Variants in HCN1 observed in about 807,000 individuals in gnomAD.
HCN1 encodes hyperpolarization activated cyclic nucleotide gated potassium channel 1, also known as potassium/sodium hyperpolarization-activated cyclic nucleotide-gated channel 1.
In HCN1, 13 loss-of-function variants were observed where a neutral mutation model predicts 78.9. That is an observed-to-expected ratio of 0.16 (90% CI 0.11 to 0.26). HCN1 has a LOEUF of 0.26. Ranked by LOEUF, HCN1 falls within the 10% of genes least tolerant of loss-of-function variation. HCN1 has a pLI of 1.00. For missense variants in HCN1, 810 were observed against 1,154.3 expected, an observed-to-expected ratio of 0.70 and a Z score of 4.32; for synonymous variants, 552 against 455.5, an observed-to-expected ratio of 1.21 and a Z score of -2.70.
rs763384509 is a variant in HCN1, at chr5:45,645,539, T to C, written c.495A>G (p.Thr165=). The change falls in exon 2 of 8, where the codon ACA becomes ACG. Residue 165 remains threonine, a synonymous_variant. Transcript: ENST00000303230. Reference sequence around the variant, plus strand: ...GTGTTGTTGTTTGCTCTGTAAAGAATGTGATTCCAACTGGTATGATGACTA... The same window carrying C: ...GTGTTGTTGTTTGCTCTGTAAAGAACGTGATTCCAACTGGTATGATGACTA... ...GNLVIIPVGI[T]FFTEQTTTPW... The C allele has an allele frequency of 3.1e-6, 5 of 1,611,968 alleles. No homozygotes were observed. In the African/African-American group the frequency reaches 6.7e-5, roughly 22 times the overall value.
At chr5:45,414,807 T>C (rs1054751656) in intron 3 of HCN1, among the ~76,000 whole-genome samples, 1 of 152,030 alleles carries the variant, frequency 6.6e-6, no homozygotes, top group African/African-American at 2.4e-5. Flanking sequence ...GGCAGTCTTA[T>C]GGTATCACTT....
chr5:45,353,344 T>C (rs571468165), intron 4 of HCN1, 98 bp from the exon 5 acceptor site: 4 of 887,780 alleles, frequency 4.5e-6, no homozygotes, highest in Non-Finnish European at 7.1e-6. Context: ...ATTTGAATAC[T>C]CAGTTACAAA....
intron 3 of HCN1, among the ~76,000 whole-genome samples, chr5:45,438,443 T>G: frequency 6.6e-6 from 1 of 151,666 alleles, no homozygotes; most frequent in Non-Finnish European, 1.5e-5. Flanking sequence ...ATATAAAAAA[T>G]TAGCGGGCGT....
chr5:45,564,735 T>C (rs1248441395), intron 2 of HCN1, among the ~76,000 whole-genome samples: 1 of 152,174 alleles, frequency 6.6e-6, no homozygotes, highest in Non-Finnish European at 1.5e-5. Context: ...CTTTCCATAA[T>C]TGTCAGTAGT....
intron 3 of HCN1, among the ~76,000 whole-genome samples, chr5:45,440,992 C>T (rs1026844361): frequency 6.6e-6 from 1 of 152,178 alleles, no homozygotes; most frequent in Admixed American, 6.5e-5. Context: ...CAATATTGCA[C>T]TTGCTGTTTC....
chr5:45,348,036 G>C (rs922058089), intron 5 of HCN1, among the ~76,000 whole-genome samples: 1 of 152,160 alleles, frequency 6.6e-6, no homozygotes, highest in African/African-American at 2.4e-5. Context: ...TACTCCTTGA[G>C]AAGAGCAACT....
chr5:45,345,585 G>A (rs1746685200), intron 5 of HCN1, among the ~76,000 whole-genome samples: 1 of 151,996 alleles, frequency 6.6e-6, no homozygotes, highest in African/African-American at 2.4e-5. Context: ...TCTATGGCAG[G>A]GGCAAAATGC....
chr5:45,560,174 T>A (rs940332273), intron 2 of HCN1, among the ~76,000 whole-genome samples: 1 of 152,186 alleles, frequency 6.6e-6, no homozygotes, highest in East Asian at 1.9e-4. Context: ...ACTTGCTTTA[T>A]TGCTATATTT....
intron 2 of HCN1, among the ~76,000 whole-genome samples, chr5:45,483,638 G>C (rs945777802): frequency 2.6e-5 from 4 of 152,076 alleles, no homozygotes; most frequent in Non-Finnish European, 5.9e-5. Flanking sequence ...GGTCCCACTT[G>C]TTTATTTTTG....
chr5:45,313,538 A>T (rs1450642936), intron 5 of HCN1, among the ~76,000 whole-genome samples: 1 of 152,218 alleles, frequency 6.6e-6, no homozygotes, highest in Admixed American at 6.5e-5. Context: ...ATGAGTTGAG[A>T]GAAGAAGGCT....
intron 2 of HCN1, among the ~76,000 whole-genome samples, chr5:45,562,460 C>T (rs1002928813): frequency 7.2e-5 from 11 of 151,842 alleles, no homozygotes; most frequent in African/African-American, 2.7e-4. Context: ...TCACTTGAGC[C>T]CAGCAATTTG....
rs113067627 is a variant in HCN1 at position 45,377,542 on chromosome 5, G to T, written c.1230+18950C>A. 1.7e-4 allele frequency among the ~76,000 whole-genome samples: 26 copies of T among 151,976 alleles called. 1 individual carries two copies. The highest frequency in any genetic ancestry group is 6.0e-4 in the African/African-American group (25 of 41,492). On this transcript the variant is annotated intron_variant, in intron 4 of 7. Coordinates refer to ENST00000303230, the MANE Select transcript of HCN1 (RefSeq NM_021072.4). ...TATAGCCTTAGTTGACAGACTGCCT[G>T]CTGAAACTAACCGAGAGCAAAGTTA...
At chr5:45,410,690 T>C (rs1263132401) in intron 3 of HCN1, among the ~76,000 whole-genome samples, 1 of 152,098 alleles carries the variant, frequency 6.6e-6, no homozygotes, top group East Asian at 1.9e-4. Context: ...CTTTGTTTAT[T>C]GATTATGAAG....
At position 45,259,599 on chromosome 5, in the gene HCN1, T is replaced by G. The variant is rs1466202246; in HGVS notation, c.*2322A>C. 6.6e-6 allele frequency: 1 copy of G among 152,334 alleles called. No homozygotes were observed. The highest frequency in any genetic ancestry group is 1.5e-5 in the Non-Finnish European group (1 of 67,924). 9.4% of individuals were successfully genotyped at this position (152,334 alleles called of 1,614,324 possible). A position where few individuals can be genotyped will look rare whatever the true frequency, so the allele number is the denominator to read the frequency against. On this transcript the variant is annotated 3_prime_UTR_variant, in exon 8 of 8. Transcript: ENST00000303230. Reference sequence around the variant, plus strand: ...TATAATTTACCCTGTACCTTTTTATTAGTTTAATATATAAACCTTAGTTTT... The same window carrying G: ...TATAATTTACCCTGTACCTTTTTATGAGTTTAATATATAAACCTTAGTTTT...
intron 2 of HCN1, among the ~76,000 whole-genome samples, chr5:45,518,994 C>G (rs1332976549): frequency 6.6e-6 from 1 of 151,336 alleles, no homozygotes; most frequent in African/African-American, 2.4e-5. Context: ...AAATTTAAAA[C>G]AAATATATAT....
intron 2 of HCN1, among the ~76,000 whole-genome samples, chr5:45,492,732 C>T (rs907749099): frequency 1.8e-4 from 27 of 152,018 alleles, no homozygotes; most frequent in Non-Finnish European, 3.4e-4. Flanking sequence ...GAACTCCCGG[C>T]CTCAGGTGAT....
intron 4 of HCN1, among the ~76,000 whole-genome samples, chr5:45,379,613 G>T (rs1747763473): frequency 6.6e-6 from 1 of 151,972 alleles, no homozygotes; most frequent in Non-Finnish European, 1.5e-5. Flanking sequence ...ACTTCTATTT[G>T]TGTTTTTCTG....
At chr5:45,628,202 C>T (rs945249680) in intron 2 of HCN1, among the ~76,000 whole-genome samples, 1 of 152,160 alleles carries the variant, frequency 6.6e-6, no homozygotes, top group Admixed American at 6.5e-5. Context: ...AATTGGTCCT[C>T]TCAAGGTAGA....
chr5:45,682,647 A>G (rs1739725921), intron 1 of HCN1, among the ~76,000 whole-genome samples: 1 of 152,086 alleles, frequency 6.6e-6, no homozygotes, highest in South Asian at 2.1e-4. Flanking sequence ...AACAAACAAA[A>G]AAAAGCACCT....
Sources: allele counts gnomAD v4.1 joint callset (sites outside exome capture counted in the v4.1 genomes callset), GRCh38; gene constraint gnomAD v4.1.1; transcripts MANE v1.5; gene names NCBI Gene and HGNC (gene_info 2026-07-23, HGNC 2026-07-21).